The following SPAG16 variants were observed in gnomAD, a reference collection of about 807,000 sequenced individuals.
SPAG16 encodes sperm associated antigen 16.
Under a neutral mutation model 80.4 loss-of-function variants are expected in SPAG16, and 86 were observed. The ratio of observed to expected loss-of-function variants is 1.07; its 90% CI spans 0.90 to 1.28. The LOEUF (loss-of-function observed/expected upper bound fraction) is 1.28, where lower values mean the gene tolerates loss of function less well. SPAG16 is among the 50% of genes most tolerant of loss of function. SPAG16 has a pLI of 0.00. For missense variants in SPAG16, 870 were observed against 765.3 expected (o/e 1.14, Z -1.61); for synonymous variants, 294 against 265.9 (o/e 1.11, Z -1.03).
chr2:213,479,224 TTA>T (rs1164027791), intron 9 of SPAG16, among the ~76,000 whole-genome samples: 2 of 151,728 alleles, frequency 1.3e-5, no homozygotes, highest in Admixed American at 6.6e-5. Context: ...TATCACTGTC[TTA>T]GTCTTTAATC....
intron 9 of SPAG16, among the ~76,000 whole-genome samples, chr2:213,429,653 G>C (rs1414879317): frequency 1.3e-5 from 2 of 152,124 alleles, no homozygotes; most frequent in African/African-American, 2.4e-5. Context: ...TTCTCAGGAG[G>C]ACATGAGTCT....
chr2:213,297,904 T>C (rs977052542), intron 3 of SPAG16, among the ~76,000 whole-genome samples: 5 of 152,142 alleles, frequency 3.3e-5, no homozygotes, highest in African/African-American at 1.2e-4. Flanking sequence ...TTTAATATGA[T>C]GGCAAAAATA....
At chr2:213,494,322 A>G (rs1240240239) in intron 10 of SPAG16, among the ~76,000 whole-genome samples, 1 of 152,180 alleles carries the variant, frequency 6.6e-6, no homozygotes, top group African/African-American at 2.4e-5. Context: ...GGTTTCTCCA[A>G]ATTTTCATCT....
intron 15 of SPAG16, among the ~76,000 whole-genome samples, chr2:214,200,015 T>A (rs116822560): frequency 6.6e-6 from 1 of 151,970 alleles, no homozygotes; most frequent in East Asian, 1.9e-4. Context: ...GTTTTTAGGG[T>A]TTGCTAGGTA....
intron 9 of SPAG16, among the ~76,000 whole-genome samples, chr2:213,402,896 A>G (rs997003241): frequency 1.3e-5 from 2 of 152,170 alleles, no homozygotes; most frequent in Non-Finnish European, 2.9e-5. Flanking sequence ...TAATGTGTGC[A>G]TGTGTCTTTA....
At chr2:213,344,258 G>A (rs1395961154) in intron 6 of SPAG16, among the ~76,000 whole-genome samples, 2 of 152,182 alleles carry the variant, frequency 1.3e-5, no homozygotes, top group Admixed American at 1.3e-4. Context: ...ATGGTGTTAC[G>A]GAGTGCTTCC....
chr2:214,300,742 A>G (rs1024814849), intron 15 of SPAG16, among the ~76,000 whole-genome samples: 2 of 152,076 alleles, frequency 1.3e-5, no homozygotes, highest in Non-Finnish European at 2.9e-5. Flanking sequence ...GACAAATAAC[A>G]TATAATGCAA....
At chr2:214,081,336 A>G (rs2051382793) in intron 13 of SPAG16, among the ~76,000 whole-genome samples, 1 of 152,074 alleles carries the variant, frequency 6.6e-6, no homozygotes, top group Non-Finnish European at 1.5e-5. Context: ...ACCCCCAATT[A>G]CTTATCTCTG....
chr2:214,344,468 T>C (rs1205144780), intron 15 of SPAG16, among the ~76,000 whole-genome samples: 4 of 152,170 alleles, frequency 2.6e-5, no homozygotes, highest in African/African-American at 9.7e-5. Flanking sequence ...ACAGGTTCTT[T>C]TGAAAATTTT....
intron 15 of SPAG16, among the ~76,000 whole-genome samples, chr2:214,296,054 A>C (rs1200291778): frequency 6.6e-6 from 1 of 151,268 alleles, no homozygotes; most frequent in African/African-American, 2.4e-5. Context: ...CTCCTCCCAT[A>C]CTCCCCCTTT....
intron 15 of SPAG16, among the ~76,000 whole-genome samples, chr2:214,199,375 T>C (rs906613612): frequency 3.9e-5 from 6 of 152,108 alleles, no homozygotes; most frequent in African/African-American, 1.4e-4. Context: ...TTCCCCAATT[T>C]GTGTTTTTGT....
intron 14 of SPAG16, among the ~76,000 whole-genome samples, chr2:214,148,472 C>G (rs2055774982): frequency 6.6e-6 from 1 of 152,080 alleles, no homozygotes; most frequent in African/African-American, 2.4e-5. Flanking sequence ...TTCCTTGTTC[C>G]ACTACATGTT....
chr2:213,768,066 T>C (rs2069035702), intron 10 of SPAG16, among the ~76,000 whole-genome samples: 1 of 151,978 alleles, frequency 6.6e-6, no homozygotes, highest in South Asian at 2.1e-4. Flanking sequence ...CCCCAAATTA[T>C]GTAAAGAAAA....
At chr2:213,701,956 C>A (rs778014087) in intron 10 of SPAG16, among the ~76,000 whole-genome samples, 3 of 152,128 alleles carry the variant, frequency 2.0e-5, no homozygotes, top group Non-Finnish European at 2.9e-5. Flanking sequence ...ACTTGGAGAA[C>A]TTTTGTGTCT....
intron 10 of SPAG16, among the ~76,000 whole-genome samples, chr2:213,566,170 C>G (rs1238533637): frequency 6.6e-6 from 1 of 152,062 alleles, no homozygotes; most frequent in Non-Finnish European, 1.5e-5. Flanking sequence ...GGTAATTAAA[C>G]AAGAAGAAAC....
At chr2:214,013,729 C>T (rs1177425255) in intron 12 of SPAG16, among the ~76,000 whole-genome samples, 1 of 152,086 alleles carries the variant, frequency 6.6e-6, no homozygotes, top group Non-Finnish European at 1.5e-5. Flanking sequence ...CCAAGTGATT[C>T]CATAAATTGA....
intron 10 of SPAG16, among the ~76,000 whole-genome samples, chr2:213,701,678 T>C (rs975565842): frequency 6.6e-6 from 1 of 152,180 alleles, no homozygotes; most frequent in Middle Eastern, 3.2e-3. Context: ...TAGGCGAAGC[T>C]AGCTGGGCTC....
intron 9 of SPAG16, among the ~76,000 whole-genome samples, chr2:213,449,885 A>G (rs1165467668): frequency 6.6e-6 from 1 of 152,240 alleles, no homozygotes; most frequent in Non-Finnish European, 1.5e-5. Flanking sequence ...TTCTACATGT[A>G]GTTTCCAGAG....
chr2:214,361,505 C>G (rs1699180322), intron 15 of SPAG16, among the ~76,000 whole-genome samples: 1 of 151,818 alleles, frequency 6.6e-6, no homozygotes, highest in African/African-American at 2.4e-5. Context: ...CACTCCTTAA[C>G]CTAACCTTAG....
Sources: gnomAD v4.1 joint callset for allele counts (sites outside exome capture counted in the v4.1 genomes callset) on GRCh38, gnomAD v4.1.1 for gene constraint, MANE v1.5 for transcripts, NCBI Gene and HGNC (gene_info 2026-07-23, HGNC 2026-07-21) for gene names.